The following ERC2 variants were observed in gnomAD, a reference collection of about 807,000 sequenced individuals.
The protein encoded by ERC2 is ELKS/RAB6-interacting/CAST family member 2, also known as ERC protein 2.
Under a neutral mutation model 114.8 loss-of-function variants are expected in ERC2, and 42 were observed. The observed-to-expected ratio is 0.37, with a 90% CI of 0.29 to 0.47. ERC2 has a LOEUF of 0.47. ERC2 is among the 20% of genes least tolerant of loss of function. The probability of loss-of-function intolerance (pLI) is 0.99; values close to 1 mark genes in which losing one functional copy is unlikely to be tolerated. For missense variants in ERC2, 939 were observed against 1,150.7 expected, an observed-to-expected ratio of 0.82 and a Z score of 2.66; for synonymous variants, 454 against 425.5, an observed-to-expected ratio of 1.07 and a Z score of -0.82.
At chr3:56,268,522 C>G (rs2053468904) in intron 3 of ERC2, among the ~76,000 whole-genome samples, 1 of 152,070 alleles carries the variant, frequency 6.6e-6, no homozygotes, top group Non-Finnish European at 1.5e-5. Flanking sequence ...CATATTTGTT[C>G]TAGCCCCTAC....
chr3:55,874,801 C>T (rs1446037424), intron 14 of ERC2, among the ~76,000 whole-genome samples: 1 of 152,068 alleles, frequency 6.6e-6, no homozygotes, highest in Non-Finnish European at 1.5e-5. Context: ...GCCGTTACCA[C>T]GTATCAGGCT....
chr3:56,454,054 A>T (rs1026019000), intron 1 of ERC2, among the ~76,000 whole-genome samples: 2 of 152,170 alleles, frequency 1.3e-5, no homozygotes, highest in Admixed American at 1.3e-4. Flanking sequence ...TGGCTGTGTG[A>T]CTTACAGATT....
chr3:55,861,688 A>C (rs964043391), intron 14 of ERC2, among the ~76,000 whole-genome samples: 3 of 152,188 alleles, frequency 2.0e-5, no homozygotes, highest in African/African-American at 7.2e-5. Context: ...CAAATCGACT[A>C]TGTACCCAAA....
chr3:55,958,377 G>C (rs923049505), intron 12 of ERC2, among the ~76,000 whole-genome samples: 2 of 152,144 alleles, frequency 1.3e-5, no homozygotes, highest in Admixed American at 6.5e-5. Flanking sequence ...ATTGTTCCAT[G>C]GGTGGCCATG....
chr3:56,188,827 C>T (rs1167472823), intron 3 of ERC2, among the ~76,000 whole-genome samples: 1 of 152,164 alleles, frequency 6.6e-6, no homozygotes, highest in Non-Finnish European at 1.5e-5. Context: ...CGTGACGCAG[C>T]TCTGATAGTT....
chr3:55,665,937 T>C (rs1274641138), intron 17 of ERC2, among the ~76,000 whole-genome samples: 5 of 152,166 alleles, frequency 3.3e-5, no homozygotes, highest in Non-Finnish European at 7.4e-5. Flanking sequence ...GTGGCCAAGA[T>C]GGATTTAGAC....
intron 1 of ERC2, among the ~76,000 whole-genome samples, chr3:56,443,341 A>G (rs2062405697): frequency 6.6e-6 from 1 of 152,242 alleles, no homozygotes; most frequent in African/African-American, 2.4e-5. Flanking sequence ...TCTGCTTCTT[A>G]ACAATAAATT....
intron 3 of ERC2, among the ~76,000 whole-genome samples, chr3:56,194,342 A>T (rs1455165022): frequency 6.6e-6 from 1 of 152,210 alleles, no homozygotes; most frequent in Admixed American, 6.5e-5. Flanking sequence ...TCTCAAGATG[A>T]GATAATCCTA....
intron 3 of ERC2, among the ~76,000 whole-genome samples, chr3:56,224,837 T>C (rs690653): frequency 0.98 from 148,737 of 152,216 alleles, 72,787 homozygotes; most frequent in East Asian, 1. Context: ...TCAGAGAAAC[T>C]GAATACCCAT....
chr3:55,651,221 G>T (rs146953014), intron 17 of ERC2, among the ~76,000 whole-genome samples: 332 of 152,060 alleles, frequency 2.2e-3, no homozygotes, highest in Middle Eastern at 6.8e-3. Context: ...AGGGACCTGT[G>T]CATGTCATTC....
chr3:56,218,746 C>T (rs1388796578), intron 3 of ERC2, among the ~76,000 whole-genome samples: 2 of 152,112 alleles, frequency 1.3e-5, no homozygotes, highest in African/African-American at 2.4e-5. Flanking sequence ...ACCCAAATGT[C>T]CAACAATGAT....
chr3:55,690,953 G>A (rs988152079), intron 16 of ERC2, among the ~76,000 whole-genome samples: 3 of 152,218 alleles, frequency 2.0e-5, no homozygotes, highest in Non-Finnish European at 2.9e-5. Flanking sequence ...TAATGGTTGG[G>A]TGAGCATGTA....
At chr3:55,991,876 A>G (rs572976646) in intron 11 of ERC2, among the ~76,000 whole-genome samples, 181 bp downstream of exon 11, 23 of 152,316 alleles carry the variant, frequency 1.5e-4, no homozygotes, top group African/African-American at 5.1e-4. Context: ...TCAGAAGATA[A>G]GCCAATTGCA....
At position 55,799,294 on chromosome 3, in the gene ERC2, T is replaced by C. The variant is rs111918336; in HGVS notation, c.2565-64376A>G. Among the ~76,000 whole-genome samples, 752 of 151,382 alleles carry C rather than the reference T, an allele frequency of 5.0e-3. 6 individuals carry two copies. Among genetic ancestry groups the C allele is most frequent in the African/African-American group, 0.017 (707 of 41,092 alleles). On this transcript the variant is annotated intron_variant, in intron 14 of 17. Transcript: ENST00000288221. ...GAAGAGGGCAGTACCTTGATTTACA[T>C]AGGATAGAAACATTGTGTGTGTAGA...
At chr3:55,723,526 T>C (rs533967270) in intron 15 of ERC2, among the ~76,000 whole-genome samples, 1 of 152,138 alleles carries the variant, frequency 6.6e-6, no homozygotes, top group Non-Finnish European at 1.5e-5. Context: ...CTGGAACTTT[T>C]AGTGTGTTGC....
At chr3:55,530,959 A>G (rs145205577) in intron 17 of ERC2, among the ~76,000 whole-genome samples, 2,111 of 152,344 alleles carry the variant, frequency 0.014, 20 homozygotes, top group Middle Eastern at 0.027. Flanking sequence ...GTCATCGCAC[A>G]GGGCTCCAGA....
chr3:55,719,434 T>C (rs1269208989), intron 15 of ERC2, among the ~76,000 whole-genome samples: 1 of 152,226 alleles, frequency 6.6e-6, no homozygotes, highest in Non-Finnish European at 1.5e-5. Flanking sequence ...TAGAACCCAC[T>C]CTGCCTCTTG....
chr3:56,106,422 C>T (rs574888866), intron 6 of ERC2, among the ~76,000 whole-genome samples: 5 of 152,246 alleles, frequency 3.3e-5, no homozygotes, highest in Non-Finnish European at 5.9e-5. Flanking sequence ...TAATGTTTAA[C>T]GAGGACACAA....
At chr3:55,679,795 A>G (rs1390421733) in intron 17 of ERC2, among the ~76,000 whole-genome samples, 1 of 152,132 alleles carries the variant, frequency 6.6e-6, no homozygotes, top group Admixed American at 6.5e-5. Flanking sequence ...TTGTATAGAA[A>G]CCTCTGCTTT....
Sources: gnomAD v4.1 joint callset for allele counts (sites outside exome capture counted in the v4.1 genomes callset) on GRCh38, gnomAD v4.1.1 for gene constraint, MANE v1.5 for transcripts, NCBI Gene and HGNC (gene_info 2026-07-23, HGNC 2026-07-21) for gene names.